Variants in GPC5 observed in about 807,000 individuals in gnomAD.
GPC5 encodes the protein glypican 5.
GPC5 carries 47 observed loss-of-function variants against 53.9 expected under a neutral mutation model. The observed-to-expected ratio is 0.87, with a 90% confidence interval of 0.69 to 1.11. GPC5 has a LOEUF of 1.11. Ranked by LOEUF, GPC5 falls within the 50% of genes most tolerant of loss-of-function variation. GPC5 has a pLI of 0.00. For missense variants in GPC5, 748 were observed against 713.1 expected, an observed-to-expected ratio of 1.05 and a Z score of -0.56; for synonymous variants, 286 against 263.3, an observed-to-expected ratio of 1.09 and a Z score of -0.84.
intron 7 of GPC5, among the ~76,000 whole-genome samples, chr13:92,317,472 T>TTTTTGTG (rs1265366544): frequency 8.6e-5 from 13 of 151,954 alleles, no homozygotes; most frequent in African/African-American, 2.9e-4. Context: ...CTTTTCCGTT[T>TTTTTGTG]TTTTGTTTTT....
chr13:91,455,839 A>G (rs1881502592), intron 2 of GPC5, among the ~76,000 whole-genome samples: 1 of 152,116 alleles, frequency 6.6e-6, no homozygotes, highest in South Asian at 2.1e-4. Flanking sequence ...CAAAACACAC[A>G]CACATTATAT....
intron 7 of GPC5, among the ~76,000 whole-genome samples, chr13:92,829,599 C>T (rs1351843778): frequency 6.6e-6 from 1 of 152,120 alleles, no homozygotes; most frequent in East Asian, 1.9e-4. Context: ...TCAGTGGAGA[C>T]ATTTTAATCC....
At chr13:92,116,549 C>T (rs889938412) in intron 6 of GPC5, among the ~76,000 whole-genome samples, 2 of 152,192 alleles carry the variant, frequency 1.3e-5, no homozygotes, top group Admixed American at 1.3e-4. Flanking sequence ...TGTCAAAAGA[C>T]AAGTTTTCAT....
intron 7 of GPC5, among the ~76,000 whole-genome samples, chr13:92,834,995 T>G (rs771687386): frequency 1.3e-5 from 2 of 152,134 alleles, no homozygotes. Flanking sequence ...CCTGTCAATT[T>G]CTTCTCTCTC....
chr13:91,400,458 A>G (rs1028573784), intron 1 of GPC5, among the ~76,000 whole-genome samples: 2 of 152,162 alleles, frequency 1.3e-5, no homozygotes, highest in African/African-American at 4.8e-5. Context: ...CAAAGTTGAC[A>G]TTCTCAGTTT....
chr13:92,226,829 A>G (rs988949704), intron 7 of GPC5, among the ~76,000 whole-genome samples: 2 of 151,518 alleles, frequency 1.3e-5, no homozygotes, highest in African/African-American at 4.9e-5. Flanking sequence ...CAAACTTGTG[A>G]TCTCAGGCGA....
At chr13:91,691,875 A>T (rs2035764917) in intron 2 of GPC5, among the ~76,000 whole-genome samples, 1 of 152,188 alleles carries the variant, frequency 6.6e-6, no homozygotes, top group Non-Finnish European at 1.5e-5. Flanking sequence ...GATCTTTTAC[A>T]ACCTAATTAA....
intron 7 of GPC5, among the ~76,000 whole-genome samples, chr13:92,209,308 A>C (rs925629036): frequency 6.6e-6 from 1 of 152,132 alleles, no homozygotes; most frequent in Non-Finnish European, 1.5e-5. Flanking sequence ...AAATGCCACA[A>C]TTTTAGATCT....
At chr13:92,132,936 G>A (rs1302211014) in intron 6 of GPC5, among the ~76,000 whole-genome samples, 2 of 151,976 alleles carry the variant, frequency 1.3e-5, no homozygotes, top group Non-Finnish European at 2.9e-5. Context: ...ACAATGGCTT[G>A]AGACATATTA....
chr13:91,662,867 A>G (rs1368639744), intron 2 of GPC5, among the ~76,000 whole-genome samples: 1 of 152,198 alleles, frequency 6.6e-6, no homozygotes, highest in African/African-American at 2.4e-5. Flanking sequence ...AGCTTAAGTC[A>G]TCCAATGACT....
chr13:92,662,670 T>C (rs1323388671), intron 7 of GPC5, among the ~76,000 whole-genome samples: 1 of 152,158 alleles, frequency 6.6e-6, no homozygotes, highest in Non-Finnish European at 1.5e-5. Context: ...GGTCGTGAAG[T>C]GCCTGGGAGT....
chr13:91,642,173 G>A (rs1478278725), intron 2 of GPC5, among the ~76,000 whole-genome samples: 2 of 152,170 alleles, frequency 1.3e-5, no homozygotes, highest in Non-Finnish European at 2.9e-5. Flanking sequence ...AGGGTCATCA[G>A]TGTATAGATT....
chr13:91,471,358 A>C (rs2139180220), intron 2 of GPC5, among the ~76,000 whole-genome samples: 1 of 152,188 alleles, frequency 6.6e-6, no homozygotes, highest in Middle Eastern at 3.4e-3. Context: ...CTTTAAATAT[A>C]GTCCTTTCAT....
chr13:91,418,272 G>T (rs1456585342), intron 1 of GPC5, among the ~76,000 whole-genome samples: 1 of 152,128 alleles, frequency 6.6e-6, no homozygotes, highest in Non-Finnish European at 1.5e-5. Flanking sequence ...AGAAGAAAGG[G>T]TTTTGAGAAC....
intron 7 of GPC5, among the ~76,000 whole-genome samples, chr13:92,630,064 A>G (rs1885185186): frequency 2.0e-5 from 3 of 152,202 alleles, no homozygotes; most frequent in Admixed American, 2.0e-4. Context: ...AAGGGCAGGA[A>G]TTTATACACT....
intron 5 of GPC5, among the ~76,000 whole-genome samples, chr13:91,839,588 A>G (rs1389579522): frequency 2.0e-5 from 3 of 152,108 alleles, no homozygotes; most frequent in African/African-American, 7.2e-5. Flanking sequence ...GTTCAGAAAG[A>G]GTTTCCTGAC....
chr13:91,807,049 T>G (rs1387802075), intron 5 of GPC5, among the ~76,000 whole-genome samples: 2 of 152,182 alleles, frequency 1.3e-5, no homozygotes, highest in East Asian at 3.8e-4. Flanking sequence ...TCTCTAAGCC[T>G]GCTTCCCACA....
chr13:92,819,904 T>A (rs1362151822), intron 7 of GPC5, among the ~76,000 whole-genome samples: 3 of 152,150 alleles, frequency 2.0e-5, no homozygotes, highest in African/African-American at 7.2e-5. Context: ...GGAAAAAAAA[T>A]ATTTTTTTCT....
chr13:92,243,787 G>A (rs886286722), intron 7 of GPC5, among the ~76,000 whole-genome samples: 3 of 152,128 alleles, frequency 2.0e-5, no homozygotes, highest in African/African-American at 7.2e-5. Context: ...GTTGTCTATA[G>A]ATACTTTTTA....
Sources: gnomAD v4.1 joint callset for allele counts (sites outside exome capture counted in the v4.1 genomes callset) on GRCh38, gnomAD v4.1.1 for gene constraint, MANE v1.5 for transcripts, NCBI Gene and HGNC (gene_info 2026-07-23, HGNC 2026-07-21) for gene names.